SMARCA2: variants seen among roughly 807,000 people sequenced by gnomAD.
SMARCA2 encodes the protein SWI/SNF-related matrix-associated actin-dependent regulator of chromatin subfamily A member 2.
Under a neutral mutation model 199.8 loss-of-function variants are expected in SMARCA2, and 61 were observed. The ratio of observed to expected loss-of-function variants is 0.31; its 90% CI spans 0.25 to 0.38. SMARCA2 has a LOEUF of 0.38. Among genes scored for constraint, SMARCA2 ranks in the 10% least tolerant of loss-of-function variants. SMARCA2 has a pLI of 1.00. For missense variants in SMARCA2, 1,344 were observed against 2,012.2 expected (o/e 0.67, Z 6.35); for synonymous variants, 935 against 732.0 (o/e 1.28, Z -4.48).
chr9:2,183,669 A>C (rs1339899759), intron 31 of SMARCA2, among the ~76,000 whole-genome samples: 2 of 152,216 alleles, frequency 1.3e-5, no homozygotes, highest in Admixed American at 1.3e-4. Context: ...TGTGCCTTGA[A>C]CAGACTTAAA....
rs557928119 is a variant in SMARCA2 at position 2,119,250 on chromosome 9, C to A, written c.3685-208C>A. Among the ~76,000 whole-genome samples the A allele has an allele frequency of 2.0e-5, 3 of 152,294 alleles. No homozygotes were observed. The East Asian group carries it at 5.8e-4, about 29-fold the overall frequency. ...AACTCATATTTCTTATAGTGGACCACAGTTTCCTCCCTGAACGGATTTTGC... is the reference window on the plus strand; with the variant it reads ...AACTCATATTTCTTATAGTGGACCAAAGTTTCCTCCCTGAACGGATTTTGC... On this transcript the variant is annotated intron_variant, in intron 25 of 33. Transcript: ENST00000349721. The surrounding 1 kb of genome is among the most constrained non-coding windows in gnomAD (Gnocchi z 4.6).
At chr9:2,116,401 T>G (rs367893338) in intron 25 of SMARCA2, among the ~76,000 whole-genome samples, 2 of 152,144 alleles carry the variant, frequency 1.3e-5, no homozygotes, top group Non-Finnish European at 2.9e-5. Flanking sequence ...AGACAAGACA[T>G]AAATGGAAGG....
At chr9:2,159,630 T>A (rs1001317353) in intron 27 of SMARCA2, 7 of 600,762 alleles carry the variant, frequency 1.2e-5, no homozygotes, top group African/African-American at 1.1e-4. Context: ...GGGAAAAAAA[T>A]ATGATAAGTA....
At chr9:2,070,397 T>A (rs1029914501) in intron 9 of SMARCA2, 21 bp from the exon 10 acceptor site, 2 of 1,611,126 alleles carry the variant, frequency 1.2e-6, no homozygotes, top group Non-Finnish European at 1.7e-6. Context: ...ACTTATAACA[T>A]TCGACATTGT....
Position 2,029,207 on chromosome 9 carries a change from C to T in SMARCA2, c.185C>T (p.Ser62Phe). The T allele has an allele frequency of 6.2e-7, 1 of 1,612,830 alleles. No homozygotes were observed. Residue 62 changes from serine to phenylalanine, a missense_variant, in exon 2 of 34, where the codon TCC (serine) becomes TTC (phenylalanine). Around this residue, in one of 18 missense-constraint regions of SMARCA2, gnomAD observed 275 missense variants for 247.5 expected, o/e 1.11. Transcript: ENST00000349721. ...SVSHPMPTMG[S>F]TDFPQEGMHQ... ...TCCCATCCTATGCCGACGATGGGGT[C>T]CACAGACTTCCCACAGGAAGGCATG...
chr9:2,095,167 C>A (rs528125841), intron 19 of SMARCA2, among the ~76,000 whole-genome samples: 2 of 151,302 alleles, frequency 1.3e-5, no homozygotes, highest in Non-Finnish European at 2.9e-5. Context: ...CTCACTGCAA[C>A]CTCCGCCTCC....
intron 5 of SMARCA2, among the ~76,000 whole-genome samples, chr9:2,054,134 C>T (rs768004642): frequency 7.9e-5 from 12 of 152,188 alleles, no homozygotes; most frequent in South Asian, 2.1e-4. Flanking sequence ...TAATGGCTGT[C>T]GTCATCAGCA....
chr9:2,077,286 C>T (rs1821370529), intron 13 of SMARCA2, among the ~76,000 whole-genome samples: 1 of 152,296 alleles, frequency 6.6e-6, no homozygotes, highest in African/African-American at 2.4e-5. Flanking sequence ...AAGTATTCAT[C>T]TGCAGGTGTA....
chr9:2,028,312 G>A (rs140442998), intron 1 of SMARCA2, among the ~76,000 whole-genome samples: 13 of 152,042 alleles, frequency 8.6e-5, no homozygotes, highest in African/African-American at 2.7e-4. Context: ...AAGGGTGGCC[G>A]TTTGTTGTGC....
At chr9:2,094,200 T>C (rs1358113519) in intron 19 of SMARCA2, among the ~76,000 whole-genome samples, 2 of 152,304 alleles carry the variant, frequency 1.3e-5, no homozygotes, top group Middle Eastern at 3.4e-3. Flanking sequence ...ACATAAAATA[T>C]AGTTGTGAAG....
intron 19 of SMARCA2, among the ~76,000 whole-genome samples, chr9:2,093,769 G>A (rs886886059): frequency 6.6e-6 from 1 of 152,188 alleles, no homozygotes; most frequent in Non-Finnish European, 1.5e-5. Context: ...ATGGGCTGGA[G>A]TTGACCAAAA....
intron 20 of SMARCA2, chr9:2,096,995 A>T (rs1324443269): frequency 9.3e-6 from 5 of 538,570 alleles, no homozygotes; most frequent in Non-Finnish European, 1.7e-5. Flanking sequence ...AGCTCTGCTT[A>T]TGTCAATTTT....
chr9:2,062,126 A>G (rs916081729), intron 9 of SMARCA2, among the ~76,000 whole-genome samples: 1 of 152,234 alleles, frequency 6.6e-6, no homozygotes, highest in Non-Finnish European at 1.5e-5. Flanking sequence ...TGATGGGGAA[A>G]TAAATCATAT....
intron 27 of SMARCA2, chr9:2,158,117 TC>T (rs1368623238): frequency 3.4e-5 from 10 of 295,110 alleles, no homozygotes; most frequent in African/African-American, 2.3e-4. Flanking sequence ...AAAAACATTT[TC>T]TTTTAAGCAA....
rs918186560 is a variant in SMARCA2, at chr9:2,016,818, C to G, written c.-37+1414C>G. Among the ~76,000 whole-genome samples, 10 of 152,316 alleles carry G rather than the reference C, an allele frequency of 6.6e-5. No homozygotes were observed. Among genetic ancestry groups the G allele is most frequent in the African/African-American group, 2.4e-4 (10 of 41,574 alleles). On this transcript the variant is annotated intron_variant, in intron 1 of 33. Transcript: ENST00000349721. The surrounding 1 kb of genome is among the most constrained non-coding windows in gnomAD (Gnocchi z 5.6). The stretch of plus-strand genomic sequence containing the variant: ...GGTTTACCCCTTCCTTTGCTCTCCC[C>G]CTCCACCCGGCCGTCTTCCCTTCCT...
rs577616033 is a variant in SMARCA2 at position 2,091,612 on chromosome 9, C to T, written c.2883+2999C>T. Reference sequence around the variant, plus strand: ...TAGGTTTGCATTTCACTTGAGTAAACGCCTTAGGTGTATGACTGGTTGATC... The same window carrying T: ...TAGGTTTGCATTTCACTTGAGTAAATGCCTTAGGTGTATGACTGGTTGATC... On this transcript the variant is annotated intron_variant, in intron 19 of 33. Coordinates refer to ENST00000349721, the MANE Select transcript of SMARCA2 (RefSeq NM_003070.5). Among the ~76,000 whole-genome samples the T allele has an allele frequency of 6.6e-5, 10 of 152,230 alleles. No homozygotes were observed. The East Asian group carries it at 1.9e-3, about 29-fold the overall frequency.
At chr9:2,078,472 CA>C (rs55839415) in intron 14 of SMARCA2, among the ~76,000 whole-genome samples, 89 of 136,570 alleles carry the variant, frequency 6.5e-4, no homozygotes, top group Middle Eastern at 3.9e-3. Context: ...ACTCCATCTA[CA>C]AAAAAAAAAA....
rs1312120665 is a variant in SMARCA2, at chr9:2,110,385, G to A, written c.3424G>A (p.Val1142Ile). 1 of 1,613,140 alleles carries A rather than the reference G, an allele frequency of 6.2e-7. No individual in the cohort carries two copies. Among genetic ancestry groups the A allele is most frequent in the South Asian group, 1.1e-5 (1 of 90,912 alleles). Residue 1142 changes from valine (V) to isoleucine (I), a missense_variant, in exon 24 of 34, where the codon GTC (valine) becomes ATC (isoleucine). Val to Ile is a conservative substitution (Grantham distance 29). This residue lies in a region of SMARCA2 where 36 missense variants were observed against 172.5 expected (regional missense o/e 0.21). Transcript: ENST00000349721. This position sits in a 1 kb window ranked among gnomAD's most constrained non-coding sequence, Gnocchi z 4.8. ...AAATCTTCAGGCAGCTGATACAGTG[G>A]TCATCTTTGACAGCGACTGGAATCC... is the stretch of plus-strand genomic sequence containing the variant. ...GLNLQAADTV[V>I]IFDSDWNPHQ...
chr9:2,192,459 T>G (rs1827950170), intron 33 of SMARCA2: 3 of 505,548 alleles, frequency 5.9e-6, no homozygotes, highest in Non-Finnish European at 1.0e-5. Context: ...CAAGCCAAAG[T>G]GAAAGGGCAC....
Sources: gnomAD v4.1 joint callset for allele counts (sites outside exome capture counted in the v4.1 genomes callset) on GRCh38, gnomAD v4.1.1 for gene constraint, gnomAD v4.1.1 regional missense constraint, Gnocchi (gnomAD v3.1) non-coding constraint, MANE v1.5 for transcripts, NCBI Gene and HGNC (gene_info 2026-07-23, HGNC 2026-07-21) for gene names.